GNAT3: variants seen among roughly 807,000 people sequenced by gnomAD.
GNAT3 encodes G protein subunit alpha transducin 3.
In GNAT3, 31 loss-of-function variants were observed where a neutral mutation model predicts 37.7. That is an observed-to-expected ratio of 0.82 (90% confidence interval 0.62 to 1.11). The LOEUF (loss-of-function observed/expected upper bound fraction) is 1.11, where lower values mean the gene tolerates loss of function less well. Ranked by LOEUF, GNAT3 falls within the 50% of genes most tolerant of loss-of-function variation. The probability of loss-of-function intolerance (pLI) is 0.00; values close to 1 mark genes in which losing one functional copy is unlikely to be tolerated. For missense variants in GNAT3, 437 were observed against 412.5 expected (o/e 1.06, Z -0.51); for synonymous variants, 138 against 139.8 (o/e 0.99, Z 0.09).
At chr7:80,475,846 T>C (rs1790293937) in intron 4 of GNAT3, among the ~76,000 whole-genome samples, 1 of 152,052 alleles carries the variant, frequency 6.6e-6, no homozygotes, top group African/African-American at 2.4e-5. Flanking sequence ...CAGAAACACA[T>C]AACATATATA....
intron 1 of GNAT3, among the ~76,000 whole-genome samples, chr7:80,509,980 G>T (rs1214845682): frequency 6.6e-6 from 1 of 152,100 alleles, no homozygotes; most frequent in Non-Finnish European, 1.5e-5. Flanking sequence ...TGTGGTAAGT[G>T]CACATAACAC....
At chr7:80,498,785 T>C (rs1348724705) in intron 1 of GNAT3, among the ~76,000 whole-genome samples, 1 of 152,106 alleles carries the variant, frequency 6.6e-6, no homozygotes, top group Non-Finnish European at 1.5e-5. Context: ...TTTAACAAGA[T>C]ATGCATCTGT....
At chr7:80,497,563 T>TATATACATATACGTATATACATAC (rs1790741866) in intron 1 of GNAT3, among the ~76,000 whole-genome samples, 1 of 142,520 alleles carries the variant, frequency 7.0e-6, no homozygotes, top group African/African-American at 2.7e-5. Context: ...TATATACATA[T>TATATACATATACGTATATACATAC]ACGTATATAC....
chr7:80,500,631 T>C (rs1790815198), intron 1 of GNAT3, among the ~76,000 whole-genome samples: 1 of 152,072 alleles, frequency 6.6e-6, no homozygotes, highest in Non-Finnish European at 1.5e-5. Context: ...ATGCTAAATG[T>C]TGGCCATTAG....
At chr7:80,511,629 A>G (rs903188131) in intron 1 of GNAT3, among the ~76,000 whole-genome samples, 180 bp downstream of exon 1, 2 of 151,072 alleles carry the variant, frequency 1.3e-5, no homozygotes, top group Admixed American at 6.6e-5. Context: ...ATAAAATACT[A>G]AACAGAAAAA....
At chr7:80,470,908 C>T (rs377537979) in intron 5 of GNAT3, among the ~76,000 whole-genome samples, 3 of 151,630 alleles carry the variant, frequency 2.0e-5, no homozygotes, top group Non-Finnish European at 4.4e-5. Flanking sequence ...ATACAAAGTA[C>T]TGATTCTGGG....
chr7:80,496,143 C>T (rs576830944), intron 1 of GNAT3, among the ~76,000 whole-genome samples: 1 of 152,094 alleles, frequency 6.6e-6, no homozygotes, highest in African/African-American at 2.4e-5. Flanking sequence ...AAGAGTCTTT[C>T]TTTTTGAGAT....
At chr7:80,487,151 A>G (rs1343778134) in intron 3 of GNAT3, among the ~76,000 whole-genome samples, 1 of 148,004 alleles carries the variant, frequency 6.8e-6, no homozygotes, top group Non-Finnish European at 1.5e-5. Context: ...TAAGGTGGGT[A>G]TACTATGTTG....
At chr7:80,510,297 T>C (rs946724453) in intron 1 of GNAT3, among the ~76,000 whole-genome samples, 25 of 152,200 alleles carry the variant, frequency 1.6e-4, no homozygotes, top group African/African-American at 6.0e-4. Context: ...GTATTAGCTC[T>C]TTCATTGTTT....
chr7:80,492,176 CAAAA>C lies in GNAT3; in HGVS notation c.161+2425_161+2428del, dbSNP rs71079120. Among the ~76,000 whole-genome samples the C allele has an allele frequency of 1.4e-3, 190 of 136,332 alleles. 1 individual carries two copies. The highest frequency in any genetic ancestry group is 1.8e-3 in the South Asian group (7 of 3,984). 89.4% of individuals were successfully genotyped at this position (136,332 alleles called of 152,430 possible). A position where few individuals can be genotyped will look rare whatever the true frequency, so the allele number is the denominator to read the frequency against. On this transcript the variant is annotated intron_variant, in intron 2 of 7. Coordinates refer to ENST00000398291, the MANE Select transcript of GNAT3 (RefSeq NM_001102386.3). The stretch of plus-strand genomic sequence containing the variant: ...GAAACCCCAACTCTACTAAAAATAC[CAAAA>C]AAAAAAAAAAAAAATTAGCTGGGCA...
In GNAT3 at chr7:80,458,651, G is replaced by A. The variant is rs749482085; in HGVS notation, c.*20C>T. ...TTTTGAAAAGCATACATGAGCAAGA[G>A]TGGAAGAGAAAATAGTTGATTAGAA... On this transcript the variant is annotated 3_prime_UTR_variant, in exon 8 of 8. Coordinates refer to ENST00000398291, the MANE Select transcript of GNAT3 (RefSeq NM_001102386.3). The A allele has an allele frequency of 4.1e-5, 57 of 1,402,628 alleles. No individual in the cohort carries two copies. Among genetic ancestry groups the A allele is most frequent in the Non-Finnish European group, 5.3e-5 (55 of 1,033,490 alleles). The allele number at this position is 1,402,628 out of a possible 1,614,324, so 86.9% of individuals were successfully genotyped here. A position where few individuals can be genotyped will look rare whatever the true frequency, so the allele number is the denominator to read the frequency against.
In GNAT3 at chr7:80,511,943, C is replaced by T. The variant is rs753783464; in HGVS notation, c.-17G>A. On this transcript the variant is annotated 5_prime_UTR_variant, in exon 1 of 8. Coordinates refer to ENST00000398291, the MANE Select transcript of GNAT3 (RefSeq NM_001102386.3). ...ACTTCCCATCTTGTGGTGGTAGATA[C>T]TTGTCAGTTTATATGTTCAGATTTT... is the stretch of plus-strand genomic sequence containing the variant. 2 of 1,550,930 alleles carry T rather than the reference C, an allele frequency of 1.3e-6. No individual in the cohort carries two copies. The highest frequency in any genetic ancestry group is 1.7e-5 in the Admixed American group (1 of 58,666).
intron 1 of GNAT3, 113 bp from the exon 2 acceptor site, chr7:80,494,760 A>G (rs1263683862): frequency 1.6e-6 from 1 of 641,846 alleles, no homozygotes; most frequent in East Asian, 2.9e-5. Context: ...TTTAGGGGGT[A>G]CAAGTGCAGT....
At chr7:80,463,331 A>G (rs1790083465) in intron 5 of GNAT3, among the ~76,000 whole-genome samples, 1 of 152,144 alleles carries the variant, frequency 6.6e-6, no homozygotes, top group African/African-American at 2.4e-5. Flanking sequence ...GTAAGAGATC[A>G]TTGTGGATCG....
intron 1 of GNAT3, among the ~76,000 whole-genome samples, chr7:80,503,990 A>T (rs1482318589): frequency 3.3e-5 from 5 of 152,210 alleles, no homozygotes; most frequent in African/African-American, 4.8e-5. Flanking sequence ...ATACAGGGAT[A>T]TAAAATTGAG....
chr7:80,493,768 A>T (rs9769886), intron 2 of GNAT3, among the ~76,000 whole-genome samples: 443 of 21,334 alleles, frequency 0.021, 2 homozygotes, highest in African/African-American at 0.033. Flanking sequence ...TTCCTCCTCC[A>T]CCTCTTTCCT....
intron 4 of GNAT3, among the ~76,000 whole-genome samples, chr7:80,475,334 T>C (rs1347048642): frequency 6.6e-6 from 1 of 150,644 alleles, no homozygotes; most frequent in East Asian, 1.9e-4. Context: ...GCTTCCTAAC[T>C]CTTGAAACGA....
At chr7:80,485,494 A>C in intron 3 of GNAT3, among the ~76,000 whole-genome samples, 1 of 152,208 alleles carries the variant, frequency 6.6e-6, no homozygotes, top group African/African-American at 2.4e-5. Flanking sequence ...TTAAGCAAGG[A>C]TTGAGCTCCA....
rs994078151 is a variant in GNAT3 at position 80,511,955 on chromosome 7, T to C, written c.-29A>G. On this transcript the variant is annotated 5_prime_UTR_variant, in exon 1 of 8. The change creates a new upstream start codon in the 5' untranslated region. Transcript: ENST00000398291. ...GTGGTGGTAGATACTTGTCAGTTTA[T>C]ATGTTCAGATTTTTCAAATGTTGAG... 1.8e-5 allele frequency: 27 copies of C among 1,501,520 alleles called. No homozygotes were observed. Among genetic ancestry groups the C allele is most frequent in the Middle Eastern group, 1.7e-4 (1 of 5,866 alleles). The allele number at this position is 1,501,520 out of a possible 1,614,324, so 93.0% of individuals were successfully genotyped here. A position where few individuals can be genotyped will look rare whatever the true frequency, so the allele number is the denominator to read the frequency against.
Sources: allele counts gnomAD v4.1 joint callset (sites outside exome capture counted in the v4.1 genomes callset), GRCh38; gene constraint gnomAD v4.1.1; transcripts MANE v1.5; gene names NCBI Gene and HGNC (gene_info 2026-07-23, HGNC 2026-07-21).